Variants in IARS1 observed in about 807,000 individuals in gnomAD.
IARS1 encodes isoleucyl-tRNA synthetase 1.
A neutral mutation model predicts 168.2 loss-of-function variants in IARS1; 124 were observed. That is an observed-to-expected ratio of 0.74 (90% CI 0.64 to 0.86). The LOEUF (loss-of-function observed/expected upper bound fraction) is 0.86, where lower values mean the gene tolerates loss of function less well. IARS1 is among the 40% of genes least tolerant of loss of function. The pLI, the probability that IARS1 is intolerant of heterozygous loss-of-function variation, is 0.00. For missense variants in IARS1, 1,452 were observed against 1,515.8 expected (o/e 0.96, Z 0.70); for synonymous variants, 532 against 529.4 (o/e 1.00, Z -0.07).
intron 32 of IARS1, 33 bp downstream of exon 32, chr9:92,223,313 C>T (rs200405574): frequency 6.3e-5 from 99 of 1,579,882 alleles, no homozygotes; most frequent in Non-Finnish European, 8.3e-5. Flanking sequence ...TGCCCAGCAC[C>T]CCACAGTCTG....
chr9:92,282,607 C>A (rs1564187536), intron 6 of IARS1, among the ~76,000 whole-genome samples: 1 of 151,834 alleles, frequency 6.6e-6, no homozygotes, highest in Non-Finnish European at 1.5e-5. Context: ...CCCATCTCTA[C>A]AAAGATAAAA....
At chr9:92,250,380 G>C in intron 23 of IARS1, 91 bp from the exon 24 acceptor site, 2 of 851,176 alleles carry the variant, frequency 2.3e-6, no homozygotes, top group Non-Finnish European at 3.9e-6. Flanking sequence ...AAGAGGGTCA[G>C]GCTAGAGAAG....
In IARS1 at chr9:92,278,226, A is replaced by G; in HGVS notation, c.806T>C (p.Leu269Ser). ...TTCAAGGATCTCATAGTCACTCTCC[A>G]ATTTATAGAGGGCTGACAATCTGGC... is the stretch of plus-strand genomic sequence containing the variant. ...MEARLSALYK[L>S]ESDYEILERF... is the part of the protein sequence containing the mutation. The change falls in exon 8 of 34, where the codon TTG (leucine) becomes TCG (serine). Residue 269 changes from leucine to serine, a missense_variant. Leu to Ser is a moderately radical substitution (Grantham distance 145, BLOSUM62 -2). Coordinates refer to ENST00000443024, the MANE Select transcript of IARS1 (RefSeq NM_002161.6). 1 of 1,611,264 alleles carries G rather than the reference A, an allele frequency of 6.2e-7. No individual in the cohort carries two copies.
intron 33 of IARS1, among the ~76,000 whole-genome samples, chr9:92,213,069 T>C (rs550727411): frequency 2.0e-5 from 3 of 151,488 alleles, no homozygotes; most frequent in African/African-American, 7.3e-5. Flanking sequence ...CAAGAAGAAA[T>C]AGAGCTTTAG....
chr9:92,229,032 A>AT lies in IARS1; in HGVS notation c.3377dup (p.Asn1126LysfsTer9), dbSNP rs775291555. ...CATCATGGAAGACAGCCAGCTCTGT[A>AT]TTTTTCACACCAAAAATGCTAGTGA... On this transcript the variant is annotated frameshift_variant, in exon 31 of 34. Transcript: ENST00000443024. LOFTEE classifies it high-confidence loss of function. 4.8e-5 allele frequency: 78 copies of AT among 1,613,924 alleles called. No homozygotes were observed. Among genetic ancestry groups the AT allele is most frequent in the Non-Finnish European group, 6.3e-5 (74 of 1,180,010 alleles).
intron 26 of IARS1, 109 bp downstream of exon 26, chr9:92,247,268 C>G: frequency 1.0e-6 from 1 of 971,356 alleles, no homozygotes; most frequent in East Asian, 2.4e-5. Flanking sequence ...CGACGGGACA[C>G]GACAGGACAG....
intron 25 of IARS1, 88 bp downstream of exon 25, chr9:92,249,768 TTA>T: frequency 4.7e-6 from 3 of 643,832 alleles, no homozygotes; most frequent in Non-Finnish European, 8.0e-6. Flanking sequence ...TAAAAATAAA[TTA>T]TAGAGTCAAT....
intron 31 of IARS1, among the ~76,000 whole-genome samples, chr9:92,228,063 C>A (rs1041597419): frequency 1.3e-5 from 2 of 152,204 alleles, no homozygotes; most frequent in East Asian, 3.9e-4. Context: ...ACTGAGTGAA[C>A]GAGACTCCGT....
chr9:92,236,455 T>A (rs1827544921), intron 30 of IARS1, among the ~76,000 whole-genome samples: 1 of 152,200 alleles, frequency 6.6e-6, no homozygotes, highest in East Asian at 1.9e-4. Context: ...AGTTCAGAGA[T>A]TTTAAATTAC....
At chr9:92,249,539 T>G (rs1421735869) in intron 25 of IARS1, among the ~76,000 whole-genome samples, 3 of 151,698 alleles carry the variant, frequency 2.0e-5, no homozygotes, top group Admixed American at 2.0e-4. Context: ...AGTGAGAGAC[T>G]CTGTCGAAAG....
At chr9:92,285,274 C>T (rs1013131563) in intron 6 of IARS1, among the ~76,000 whole-genome samples, 2 of 152,198 alleles carry the variant, frequency 1.3e-5, no homozygotes, top group Non-Finnish European at 2.9e-5. Flanking sequence ...ACAACAACAA[C>T]TGATTCTATC....
At chr9:92,282,864 T>A (rs201409524) in intron 6 of IARS1, among the ~76,000 whole-genome samples, 7,561 of 146,092 alleles carry the variant, frequency 0.052, 232 homozygotes, top group Middle Eastern at 0.076. Flanking sequence ...ATATATATTT[T>A]TTTTTTTTGA....
chr9:92,279,776 G>A (rs751266575), intron 7 of IARS1, among the ~76,000 whole-genome samples: 5 of 152,000 alleles, frequency 3.3e-5, no homozygotes, highest in Non-Finnish European at 5.9e-5. Context: ...CTGAAACTCT[G>A]TACTCATTAA....
At chr9:92,217,705 T>C (rs1343394015) in intron 33 of IARS1, among the ~76,000 whole-genome samples, 1 of 151,908 alleles carries the variant, frequency 6.6e-6, no homozygotes, top group African/African-American at 2.4e-5. Context: ...ACACATACAT[T>C]CTCCCAAGAC....
Position 92,268,251 on chromosome 9 carries a change from C to T in IARS1, c.1354G>A (p.Ala452Thr). 6.2e-7 allele frequency: 1 copy of T among 1,612,184 alleles called. No homozygotes were observed. Among genetic ancestry groups the T allele is most frequent in the Non-Finnish European group, 8.5e-7 (1 of 1,179,496 alleles). Reference sequence around the variant, plus strand: ...TTTCTGGAAATTGTCCAGTCACGTGCATCTTTCAGCCAATTTCCAAATCGT... The same window carrying T: ...TTTCTGGAAATTGTCCAGTCACGTGTATCTTTCAGCCAATTTCCAAATCGT... Reference protein sequence around the residue: ...EKRFGNWLKDARDWTISRNRY... With the variant: ...EKRFGNWLKDTRDWTISRNRY... The change falls in exon 14 of 34, where the codon GCA becomes ACA. Residue 452 changes from alanine (A) to threonine (T), a missense_variant. Physicochemically the swap from Ala to Thr is moderately conservative, Grantham distance 58. Transcript: ENST00000443024.
chr9:92,255,210 G>A (rs1284512967), intron 20 of IARS1, among the ~76,000 whole-genome samples: 1 of 152,224 alleles, frequency 6.6e-6, no homozygotes, highest in Non-Finnish European at 1.5e-5. Flanking sequence ...AAATCCTGTA[G>A]CAGTCCTTCT....
At chr9:92,228,647 G>A (rs1263098704) in intron 31 of IARS1, among the ~76,000 whole-genome samples, 2 of 152,170 alleles carry the variant, frequency 1.3e-5, no homozygotes, top group Non-Finnish European at 2.9e-5. Context: ...CCAGGAGGCC[G>A]AGGGTGCAGT....
intron 30 of IARS1, among the ~76,000 whole-genome samples, chr9:92,233,616 C>T (rs1183410258): frequency 5.9e-5 from 9 of 152,194 alleles, no homozygotes; most frequent in African/African-American, 2.2e-4. Flanking sequence ...CACACTCAAA[C>T]CACAGCAGGA....
intron 31 of IARS1, among the ~76,000 whole-genome samples, chr9:92,225,147 C>T (rs4743867): frequency 0.11 from 16,373 of 152,230 alleles, 1,045 homozygotes; most frequent in South Asian, 0.21. Context: ...TGGGAAAAGG[C>T]AGTGCTTTGG....
Sources: gnomAD v4.1 joint callset for allele counts (sites outside exome capture counted in the v4.1 genomes callset) on GRCh38, gnomAD v4.1.1 for gene constraint, MANE v1.5 for transcripts, NCBI Gene and HGNC (gene_info 2026-07-23, HGNC 2026-07-21) for gene names.